The following NF1 variants were observed in gnomAD, a reference collection of about 807,000 sequenced individuals.
The protein encoded by NF1 is neurofibromin 1, also known as neurofibromin.
A neutral mutation model predicts 325.7 loss-of-function variants in NF1; 122 were observed. The ratio of observed to expected loss-of-function variants is 0.37; its 90% CI spans 0.32 to 0.44. The LOEUF (loss-of-function observed/expected upper bound fraction) is 0.44. NF1 is among the 20% of genes least tolerant of loss of function. NF1 has a pLI of 1.00. For synonymous variants in NF1, 1,091 were observed against 1,186.0 expected, an observed-to-expected ratio of 0.92 and a Z score of 1.65; for missense variants, 2,140 against 3,415.4, an observed-to-expected ratio of 0.63 and a Z score of 9.31.
At chr17:31,168,705 A>G (rs1487323915) in intron 4 of NF1, among the ~76,000 whole-genome samples, 1 of 151,990 alleles carries the variant, frequency 6.6e-6, no homozygotes, top group East Asian at 1.9e-4. Flanking sequence ...ATCAGGAAAC[A>G]TGTCCTATTA....
intron 12 of NF1, among the ~76,000 whole-genome samples, chr17:31,210,194 C>T (rs1213960924): frequency 6.6e-6 from 1 of 152,112 alleles, no homozygotes; most frequent in Non-Finnish European, 1.5e-5. Context: ...ACACTGAATC[C>T]CTAACGTTTG....
intron 1 of NF1, among the ~76,000 whole-genome samples, chr17:31,104,718 A>C (rs1597563463): frequency 6.6e-6 from 1 of 152,186 alleles, no homozygotes; most frequent in African/African-American, 2.4e-5. Flanking sequence ...GTATCATACT[A>C]TGTGGTAGAG....
At chr17:31,134,864 A>G (rs574685495) in intron 1 of NF1, among the ~76,000 whole-genome samples, 53 of 152,176 alleles carry the variant, frequency 3.5e-4, no homozygotes, top group African/African-American at 1.3e-3. Flanking sequence ...TAGAAGTTAC[A>G]TACCTTCCTG....
intron 5 of NF1, among the ~76,000 whole-genome samples, chr17:31,177,374 A>G (rs1462652006): frequency 6.6e-6 from 1 of 152,122 alleles, no homozygotes; most frequent in Non-Finnish European, 1.5e-5. Flanking sequence ...ATCATCATCA[A>G]CATCAAAGAC....
At chr17:31,275,652 G>A (rs1328726323) in intron 36 of NF1, among the ~76,000 whole-genome samples, 7 of 152,150 alleles carry the variant, frequency 4.6e-5, no homozygotes, top group Non-Finnish European at 1.0e-4. Context: ...AGTTAAGGGG[G>A]TACTACTGTA....
At chr17:31,322,912 C>T (rs2069247610) in intron 36 of NF1, among the ~76,000 whole-genome samples, 1 of 152,136 alleles carries the variant, frequency 6.6e-6, no homozygotes, top group African/African-American at 2.4e-5. Flanking sequence ...AGATCCTTAT[C>T]AGGTCATACC....
At chr17:31,170,275 T>G (rs1258293049) in intron 5 of NF1, among the ~76,000 whole-genome samples, 2 of 152,226 alleles carry the variant, frequency 1.3e-5, no homozygotes, top group African/African-American at 4.8e-5. Context: ...GTGCTATTAT[T>G]TCATTTTTCT....
rs2151562083 is a variant in NF1, at chr17:31,340,652, A to T, written c.7062+7A>T. 6.2e-7 allele frequency: 1 copy of T among 1,614,028 alleles called. No homozygotes were observed. Among genetic ancestry groups the T allele is most frequent in the Non-Finnish European group, 8.5e-7 (1 of 1,179,928 alleles). On this transcript the variant is annotated splice_region_variant and intron_variant, in intron 47 of 57. Coordinates refer to ENST00000358273, the MANE Select transcript of NF1 (RefSeq NM_001042492.3). Reference sequence around the variant, plus strand: ...CCGTATATTCAATGACAAGGTAAGCAAACTTTGCCTTGAGGTTCCTAGATT... The same window carrying T: ...CCGTATATTCAATGACAAGGTAAGCTAACTTTGCCTTGAGGTTCCTAGATT...
At chr17:31,322,386 A>G (rs965076018) in intron 36 of NF1, among the ~76,000 whole-genome samples, 2 of 151,756 alleles carry the variant, frequency 1.3e-5, no homozygotes, top group African/African-American at 2.4e-5. Flanking sequence ...AGGCTGAGAC[A>G]GGAGAATAGC....
At chr17:31,139,189 A>G (rs1385810482) in intron 1 of NF1, among the ~76,000 whole-genome samples, 8 of 152,126 alleles carry the variant, frequency 5.3e-5, no homozygotes, top group African/African-American at 1.9e-4. Context: ...CTGGGATTAC[A>G]GGCATGTGCC....
Position 31,343,113 on chromosome 17 carries a change from A to C in NF1, c.7167A>C (p.Ala2389=), listed in dbSNP as rs1555535447. 1 of 1,613,916 alleles carries C rather than the reference A, an allele frequency of 6.2e-7. No individual in the cohort carries two copies. Among genetic ancestry groups the C allele is most frequent in the Non-Finnish European group, 8.5e-7 (1 of 1,179,794 alleles). The change falls in exon 48 of 58, where the codon GCA becomes GCC. Residue 2389 remains alanine, a synonymous_variant. Coordinates refer to ENST00000358273, the MANE Select transcript of NF1 (RefSeq NM_001042492.3). ...GLNFNSNFNF[A]LVGHLLKGYR... is the part of the protein sequence containing the mutation. ...ATTTCAACTCTAACTTTAACTTTGC[A>C]TTGGTTGGACACCTTTTAAAAGGTA...
chr17:31,315,848 G>T (rs2069007185), intron 36 of NF1, among the ~76,000 whole-genome samples: 1 of 152,060 alleles, frequency 6.6e-6, no homozygotes, highest in South Asian at 2.1e-4. Flanking sequence ...GGTGCAAAAA[G>T]AATAGTTTTT....
At chr17:31,194,718 A>C (rs1472412356) in intron 8 of NF1, among the ~76,000 whole-genome samples, 1 of 152,186 alleles carries the variant, frequency 6.6e-6, no homozygotes, top group Non-Finnish European at 1.5e-5. Flanking sequence ...GCTGAATTGT[A>C]TCCAGTCAGA....
At chr17:31,179,707 C>T (rs980462113) in intron 5 of NF1, among the ~76,000 whole-genome samples, 7 of 151,696 alleles carry the variant, frequency 4.6e-5, no homozygotes, top group African/African-American at 1.2e-4. Context: ...GGCGTGCACC[C>T]GGGAGGCAGA....
intron 1 of NF1, 118 bp from the exon 2 acceptor site, chr17:31,155,865 G>A (rs907021185): frequency 1.8e-6 from 2 of 1,123,218 alleles, no homozygotes; most frequent in African/African-American, 1.6e-5. Context: ...TGCAAGTATA[G>A]GTATCTGTGG....
At chr17:31,126,184 G>A (rs762155560) in intron 1 of NF1, among the ~76,000 whole-genome samples, 1 of 151,322 alleles carries the variant, frequency 6.6e-6, no homozygotes, top group Non-Finnish European at 1.5e-5. Context: ...GCGACACTTC[G>A]TCTAAAAAAA....
intron 1 of NF1, among the ~76,000 whole-genome samples, chr17:31,098,485 C>T (rs905589567): frequency 2.0e-5 from 3 of 152,114 alleles, no homozygotes; most frequent in African/African-American, 7.2e-5. Flanking sequence ...CTGCCTCAGC[C>T]TCCCAAGTGG....
intron 1 of NF1, among the ~76,000 whole-genome samples, chr17:31,105,101 T>C (rs1470234905): frequency 6.6e-6 from 1 of 152,186 alleles, no homozygotes; most frequent in Non-Finnish European, 1.5e-5. Context: ...TGTCTTGTTA[T>C]GTTGCCCAGG....
rs543262126 is a variant in NF1 at position 31,277,994 on chromosome 17, G to C, written c.4835+12655G>C. Reference sequence around the variant, plus strand: ...CTTCCTAAAATCACCAGGCATGGTGGGATGTGAGCTATAGTCCCAGCAACT... The same window carrying C: ...CTTCCTAAAATCACCAGGCATGGTGCGATGTGAGCTATAGTCCCAGCAACT... On this transcript the variant is annotated intron_variant, in intron 36 of 57. Transcript: ENST00000358273. Among the ~76,000 whole-genome samples the C allele has an allele frequency of 7.5e-4, 114 of 152,236 alleles. 1 individual carries two copies. Among genetic ancestry groups the C allele is most frequent in the Admixed American group, 7.5e-3 (114 of 15,294 alleles).
Sources: allele counts gnomAD v4.1 joint callset (sites outside exome capture counted in the v4.1 genomes callset), GRCh38; gene constraint gnomAD v4.1.1; transcripts MANE v1.5; gene names NCBI Gene and HGNC (gene_info 2026-07-23, HGNC 2026-07-21).